Variants in CSMD1 observed in about 807,000 individuals in gnomAD.
CSMD1 encodes the protein CUB and sushi domain-containing protein 1.
A neutral mutation model predicts 417.5 loss-of-function variants in CSMD1; 213 were observed. The observed-to-expected ratio is 0.51, with a 90% CI of 0.46 to 0.57. CSMD1 has a LOEUF of 0.57. Among genes scored for constraint, CSMD1 ranks in the 20% least tolerant of loss-of-function variants. The pLI is 0.00. For missense variants in CSMD1, 6,923 were observed against 4,529.7 expected (o/e 1.53, Z -15.17); for synonymous variants, 2,862 against 1,736.8 (o/e 1.65, Z -16.11).
intron 10 of CSMD1, among the ~76,000 whole-genome samples, chr8:3,500,502 G>A (rs78707468): frequency 6.6e-5 from 10 of 152,272 alleles, no homozygotes; most frequent in Admixed American, 1.3e-4. Context: ...AGGAAGGCAC[G>A]TGAAAAGAAG....
At chr8:3,475,678 T>A (rs1017430219) in intron 11 of CSMD1, among the ~76,000 whole-genome samples, 1 of 152,232 alleles carries the variant, frequency 6.6e-6, no homozygotes, top group Non-Finnish European at 1.5e-5. Context: ...CTGTCTCACA[T>A]TGATATGTCT....
At chr8:4,816,209 G>C (rs1207117077) in intron 1 of CSMD1, among the ~76,000 whole-genome samples, 1 of 151,582 alleles carries the variant, frequency 6.6e-6, no homozygotes, top group Non-Finnish European at 1.5e-5. Flanking sequence ...TTTTGGGACA[G>C]AGTCTCGCTC....
intron 1 of CSMD1, among the ~76,000 whole-genome samples, chr8:4,732,067 T>C (rs1323082981): frequency 6.6e-6 from 1 of 152,078 alleles, no homozygotes; most frequent in Non-Finnish European, 1.5e-5. Context: ...TACATCTCTC[T>C]TGCTAATCTT....
intron 3 of CSMD1, among the ~76,000 whole-genome samples, chr8:4,204,052 G>C (rs776316922): frequency 2.0e-5 from 3 of 152,154 alleles, no homozygotes; most frequent in Non-Finnish European, 4.4e-5. Flanking sequence ...GGTGAGCTGA[G>C]ATTGTGCCAC....
chr8:3,517,361 G>T (rs540954521), intron 10 of CSMD1, among the ~76,000 whole-genome samples: 1 of 152,136 alleles, frequency 6.6e-6, no homozygotes, highest in Admixed American at 6.6e-5. Flanking sequence ...AAACTATAGT[G>T]GTGTTATTAA....
At chr8:3,556,392 AATATATAT>A (rs367650533) in intron 10 of CSMD1, among the ~76,000 whole-genome samples, 3 of 120,448 alleles carry the variant, frequency 2.5e-5, no homozygotes, top group Non-Finnish European at 5.1e-5. Flanking sequence ...TATAATAATT[AATATATAT>A]ATATATATAT....
In CSMD1 at chr8:4,004,837, C is replaced by T. The variant is rs567440307; in HGVS notation, c.611-6727G>A. 7.2e-5 allele frequency among the ~76,000 whole-genome samples: 11 copies of T among 152,174 alleles called. 1 individual carries two copies. Among genetic ancestry groups the T allele is most frequent in the South Asian group, 6.2e-4 (3 of 4,824 alleles). On this transcript the variant is annotated intron_variant, in intron 4 of 69. Coordinates refer to ENST00000635120, the MANE Select transcript of CSMD1 (RefSeq NM_033225.6). ...TTGGCTCACTGTAAGCTCCGCCTCCCGGGTTCACGCCATTCTCCTGCCTCA... is the reference window on the plus strand; with the variant it reads ...TTGGCTCACTGTAAGCTCCGCCTCCTGGGTTCACGCCATTCTCCTGCCTCA...
intron 5 of CSMD1, among the ~76,000 whole-genome samples, chr8:3,857,180 AT>A (rs1804370629): frequency 6.6e-6 from 1 of 152,200 alleles, no homozygotes; most frequent in South Asian, 2.1e-4. Context: ...CATGGGCTTC[AT>A]GAAAAAAGTG....
At chr8:4,159,422 G>C (rs772492198) in intron 3 of CSMD1, among the ~76,000 whole-genome samples, 9 of 152,122 alleles carry the variant, frequency 5.9e-5, no homozygotes, top group Non-Finnish European at 1.3e-4. Flanking sequence ...TATGAAAAAG[G>C]TATTTGCACA....
At chr8:3,869,588 A>G (rs1042515226) in intron 5 of CSMD1, among the ~76,000 whole-genome samples, 11 of 152,138 alleles carry the variant, frequency 7.2e-5, no homozygotes, top group African/African-American at 2.7e-4. Context: ...TATCTATCAG[A>G]TATAAATAGT....
chr8:4,930,795 G>A (rs752111274), intron 1 of CSMD1, among the ~76,000 whole-genome samples: 2 of 152,150 alleles, frequency 1.3e-5, no homozygotes. Context: ...AGCAATTTCA[G>A]CTGTGAAATT....
chr8:3,904,292 G>A (rs1391557450), intron 5 of CSMD1, among the ~76,000 whole-genome samples: 1 of 152,196 alleles, frequency 6.6e-6, no homozygotes, highest in African/African-American at 2.4e-5. Flanking sequence ...CTTCCTGGAG[G>A]ACACCCCTTT....
chr8:4,499,573 T>C (rs1250997012), intron 2 of CSMD1, among the ~76,000 whole-genome samples: 1 of 152,180 alleles, frequency 6.6e-6, no homozygotes, highest in East Asian at 1.9e-4. Context: ...AGGGCAATAA[T>C]AAAACAAAGA....
intron 7 of CSMD1, among the ~76,000 whole-genome samples, chr8:3,680,406 C>T (rs1172882291): frequency 1.3e-5 from 2 of 152,156 alleles, no homozygotes; most frequent in Non-Finnish European, 2.9e-5. Flanking sequence ...ATACTATTAA[C>T]ACCTCTACGC....
intron 1 of CSMD1, among the ~76,000 whole-genome samples, chr8:4,731,516 T>G (rs533373379): frequency 9.2e-5 from 14 of 152,332 alleles, no homozygotes; most frequent in East Asian, 5.8e-4. Flanking sequence ...TGTCATAACT[T>G]TCCATTTATC....
intron 1 of CSMD1, among the ~76,000 whole-genome samples, chr8:4,727,105 T>C (rs779905038): frequency 4.6e-5 from 7 of 152,100 alleles, no homozygotes; most frequent in Non-Finnish European, 7.4e-5. Context: ...GTGAGGAAGC[T>C]GAGGCCCTTC....
At chr8:4,871,414 CA>C (rs1802732426) in intron 1 of CSMD1, among the ~76,000 whole-genome samples, 1 of 152,034 alleles carries the variant, frequency 6.6e-6, no homozygotes, top group African/African-American at 2.4e-5. Flanking sequence ...TATCTAACAC[CA>C]TGAGTTCCAG....
At chr8:3,780,491 T>A (rs563006095) in intron 5 of CSMD1, among the ~76,000 whole-genome samples, 1 of 152,346 alleles carries the variant, frequency 6.6e-6, no homozygotes, top group East Asian at 1.9e-4. Context: ...CGAGTATCAG[T>A]AACCATTCCA....
At chr8:3,390,687 A>G (rs532862711) in intron 17 of CSMD1, among the ~76,000 whole-genome samples, 1 of 152,296 alleles carries the variant, frequency 6.6e-6, no homozygotes, top group East Asian at 1.9e-4. Context: ...TTTGCAAAAT[A>G]AGTGACTGAA....
Sources: gnomAD v4.1 joint callset for allele counts (sites outside exome capture counted in the v4.1 genomes callset) on GRCh38, gnomAD v4.1.1 for gene constraint, MANE v1.5 for transcripts, NCBI Gene and HGNC (gene_info 2026-07-23, HGNC 2026-07-21) for gene names.